SHISA9: variants seen among roughly 807,000 people sequenced by gnomAD.
SHISA9 encodes the protein protein shisa-9.
SHISA9 carries 13 observed loss-of-function variants against 38.0 expected under a neutral mutation model. The ratio of observed to expected loss-of-function variants is 0.34; its 90% CI spans 0.22 to 0.54. The LOEUF (loss-of-function observed/expected upper bound fraction) is 0.54. SHISA9 is among the 20% of genes least tolerant of loss of function. The pLI, the probability that SHISA9 is intolerant of heterozygous loss-of-function variation, is 0.91. For missense variants in SHISA9, 538 were observed against 575.8 expected (o/e 0.93, Z 0.67); for synonymous variants, 275 against 242.0 (o/e 1.14, Z -1.27).
At chr16:13,042,001 G>A (rs1281776542) in intron 2 of SHISA9, among the ~76,000 whole-genome samples, 1 of 152,210 alleles carries the variant, frequency 6.6e-6, no homozygotes, top group East Asian at 1.9e-4. Context: ...GATTGTGAGA[G>A]GCAAAGGGGA....
At chr16:13,084,953 G>T (rs1397336601) in intron 2 of SHISA9, among the ~76,000 whole-genome samples, 2 of 152,186 alleles carry the variant, frequency 1.3e-5, no homozygotes, top group Admixed American at 6.5e-5. Context: ...GGAGATCATG[G>T]TGAGAATGGG....
intron 2 of SHISA9, among the ~76,000 whole-genome samples, chr16:13,017,078 G>A (rs1032068063): frequency 1.3e-5 from 2 of 150,258 alleles, no homozygotes; most frequent in Admixed American, 1.3e-4. Flanking sequence ...GGAGTGCAGT[G>A]GCCTGATCTT....
At chr16:13,419,469 A>G in the SHISA9 span, among the ~76,000 whole-genome samples, 1 of 152,264 alleles carries the variant, frequency 6.6e-6, no homozygotes. Context: ...ACTCATAAGA[A>G]CAACTATTTT....
chr16:13,148,343 C>T (rs1429114220), intron 2 of SHISA9, among the ~76,000 whole-genome samples: 3 of 152,116 alleles, frequency 2.0e-5, no homozygotes, highest in Non-Finnish European at 2.9e-5. Context: ...TCTTTACACA[C>T]CCCTGCAAAC....
the SHISA9 span, among the ~76,000 whole-genome samples, chr16:13,531,231 G>A: frequency 6.6e-6 from 1 of 152,026 alleles, no homozygotes; most frequent in Non-Finnish European, 1.5e-5. Context: ...GTTACCACAT[G>A]TAAATTGCTT....
At chr16:13,412,236 A>T in the SHISA9 span, among the ~76,000 whole-genome samples, 1 of 152,110 alleles carries the variant, frequency 6.6e-6, no homozygotes, top group Non-Finnish European at 1.5e-5. Flanking sequence ...ATGTTTCCAG[A>T]CTGTCCACAG....
chr16:13,301,848 C>T, the SHISA9 span, among the ~76,000 whole-genome samples: 5 of 152,164 alleles, frequency 3.3e-5, no homozygotes, highest in African/African-American at 7.2e-5. Flanking sequence ...TCTCTTTGAA[C>T]GTCACTTTTC....
intron 4 of SHISA9, among the ~76,000 whole-genome samples, chr16:13,214,408 G>A (rs528077113): frequency 7.2e-5 from 11 of 152,026 alleles, no homozygotes; most frequent in Admixed American, 3.9e-4. Context: ...GGGTTTCACC[G>A]TGTTGGCCAG....
At chr16:13,085,672 C>T (rs2073702626) in intron 2 of SHISA9, among the ~76,000 whole-genome samples, 2 of 152,172 alleles carry the variant, frequency 1.3e-5, no homozygotes, top group Admixed American at 1.3e-4. Context: ...TGTAGGAATT[C>T]TAATGTGAGA....
the SHISA9 span, among the ~76,000 whole-genome samples, chr16:13,413,160 A>G: frequency 6.6e-6 from 1 of 152,204 alleles, no homozygotes; most frequent in Non-Finnish European, 1.5e-5. Flanking sequence ...ACATTTTCCA[A>G]CAAAAAGAGA....
chr16:13,155,594 G>GTT (rs1279517612), intron 2 of SHISA9, among the ~76,000 whole-genome samples: 9 of 151,874 alleles, frequency 5.9e-5, no homozygotes, highest in Admixed American at 5.9e-4. Flanking sequence ...TGTGTGGTGT[G>GTT]TGTGTGTGTG....
At chr16:13,147,114 A>T (rs1172333811) in intron 2 of SHISA9, among the ~76,000 whole-genome samples, 1 of 152,222 alleles carries the variant, frequency 6.6e-6, no homozygotes, top group African/African-American at 2.4e-5. Context: ...AGCAAGATGC[A>T]TATTGTTTTT....
intron 2 of SHISA9, among the ~76,000 whole-genome samples, chr16:12,930,962 C>T (rs929453079): frequency 6.6e-6 from 1 of 152,148 alleles, no homozygotes; most frequent in Non-Finnish European, 1.5e-5. Flanking sequence ...CAAGCACTTA[C>T]CTACTCTTTG....
At chr16:13,322,424 C>G in the SHISA9 span, among the ~76,000 whole-genome samples, 2 of 152,176 alleles carry the variant, frequency 1.3e-5, no homozygotes, top group Non-Finnish European at 2.9e-5. Context: ...GTTAATTCAG[C>G]TAGCTGAATA....
At chr16:13,289,525 A>G in the SHISA9 span, among the ~76,000 whole-genome samples, 10 of 152,008 alleles carry the variant, frequency 6.6e-5, no homozygotes, top group African/African-American at 2.2e-4. Flanking sequence ...CAAAAAGCAA[A>G]CAAACAAACA....
the SHISA9 span, among the ~76,000 whole-genome samples, chr16:13,451,129 A>G: frequency 6.6e-6 from 1 of 152,120 alleles, no homozygotes; most frequent in Non-Finnish European, 1.5e-5. Context: ...GAATTTGTGT[A>G]TAGCTGCCCC....
At chr16:13,018,169 G>GT (rs2072780154) in intron 2 of SHISA9, among the ~76,000 whole-genome samples, 1 of 152,188 alleles carries the variant, frequency 6.6e-6, no homozygotes. Flanking sequence ...TCCTTGCTCT[G>GT]TTTTGGATAC....
intron 3 of SHISA9, 146 bp downstream of exon 3, chr16:13,203,695 C>A: frequency 1.1e-6 from 1 of 873,350 alleles, no homozygotes; most frequent in Non-Finnish European, 1.6e-6. Context: ...CTGCCTCTAT[C>A]TCATTTTTGT....
At chr16:13,495,930 G>C in the SHISA9 span, among the ~76,000 whole-genome samples, 1 of 152,028 alleles carries the variant, frequency 6.6e-6, no homozygotes. Context: ...AAAAGATGTG[G>C]AGAACCAAAC....
Sources: gnomAD v4.1 joint callset for allele counts (sites outside exome capture counted in the v4.1 genomes callset) on GRCh38, gnomAD v4.1.1 for gene constraint, MANE v1.5 for transcripts, NCBI Gene and HGNC (gene_info 2026-07-23, HGNC 2026-07-21) for gene names.